The following ANKRD30A variants were observed in gnomAD, a reference collection of about 807,000 sequenced individuals.
ANKRD30A encodes the protein ankyrin repeat domain-containing protein 30A.
A neutral mutation model predicts 166.3 loss-of-function variants in ANKRD30A; 170 were observed. That is an observed-to-expected ratio of 1.02 (90% CI 0.90 to 1.16). ANKRD30A has a LOEUF of 1.16. Among genes scored for constraint, ANKRD30A ranks in the 50% most tolerant of loss-of-function variants. ANKRD30A has a pLI of 0.00. For missense variants in ANKRD30A, 1,630 were observed against 1,518.0 expected, an observed-to-expected ratio of 1.07 and a Z score of -1.23; for synonymous variants, 564 against 508.9, an observed-to-expected ratio of 1.11 and a Z score of -1.46.
At chr10:37,149,952 A>C (rs1837797402) in intron 11 of ANKRD30A, 103 bp downstream of exon 11, 2 of 1,486,648 alleles carry the variant, frequency 1.3e-6, no homozygotes, top group Non-Finnish European at 1.8e-6. Context: ...TTTGATGAAA[A>C]CATTTGATCT....
chr10:37,239,201 C>A, the ANKRD30A span, among the ~76,000 whole-genome samples: 3 of 152,240 alleles, frequency 2.0e-5, no homozygotes, highest in South Asian at 6.2e-4. Context: ...AAAACTGATA[C>A]TAATTTCTGA....
chr10:37,263,042 T>G, the ANKRD30A span, among the ~76,000 whole-genome samples: 1 of 152,152 alleles, frequency 6.6e-6, no homozygotes, highest in South Asian at 2.1e-4. Context: ...TGTTTATGAT[T>G]AAAGATTAAG....
chr10:37,205,564 G>A (rs565039976), intron 31 of ANKRD30A, among the ~76,000 whole-genome samples: 25 of 152,292 alleles, frequency 1.6e-4, no homozygotes, highest in Middle Eastern at 3.4e-3. Flanking sequence ...AAACCTGCAC[G>A]TTGTGCAGAT....
At chr10:37,243,353 C>G in the ANKRD30A span, among the ~76,000 whole-genome samples, 4 of 150,440 alleles carry the variant, frequency 2.7e-5, no homozygotes, top group Non-Finnish European at 5.9e-5. Flanking sequence ...ACCGTGTTAG[C>G]CAGGATGGTC....
At chr10:37,198,864 C>G (rs1841382164) in intron 29 of ANKRD30A, among the ~76,000 whole-genome samples, 2 of 151,992 alleles carry the variant, frequency 1.3e-5, no homozygotes, top group African/African-American at 4.8e-5. Flanking sequence ...TAACCTGATT[C>G]AAATAGTTGT....
chr10:37,215,330 C>T (rs569747970), intron 31 of ANKRD30A, among the ~76,000 whole-genome samples: 44 of 151,424 alleles, frequency 2.9e-4, no homozygotes, highest in African/African-American at 1.0e-3. Context: ...TGTAAGACCC[C>T]CCCGACCCAG....
Position 37,147,418 on chromosome 10 carries a change from A to G in ANKRD30A, c.1504A>G (p.Ile502Val). ...GATTCAAGTGTGTATACCTGAGTCT[A>G]TATATCAAAAAGTAATGGAGATAAA... ...AKIQVCIPES[I>V]YQKVMEINRE... The change falls in exon 9 of 36, where the codon ATA becomes GTA. Residue 502 changes from isoleucine (I) to valine (V), a missense_variant. Physicochemically the swap from Ile to Val is conservative, Grantham distance 29. This residue lies in a region of ANKRD30A where 904 missense variants were observed against 818.5 expected (regional missense o/e 1.10). Transcript: ENST00000361713. 1.3e-6 allele frequency: 2 copies of G among 1,597,352 alleles called. No homozygotes were observed. The highest frequency in any genetic ancestry group is 1.7e-6 in the Non-Finnish European group (2 of 1,172,640).
intron 4 of ANKRD30A, 34 bp from the exon 5 acceptor site, chr10:37,133,882 T>G: frequency 6.2e-7 from 1 of 1,610,274 alleles, no homozygotes. Context: ...TTGGTTCTGC[T>G]CATAATAATG....
In ANKRD30A at chr10:37,134,070, A is replaced by C; in HGVS notation, c.755+17A>C. 1 of 1,613,070 alleles carries C rather than the reference A, an allele frequency of 6.2e-7. No homozygotes were observed. Among genetic ancestry groups the C allele is most frequent in the South Asian group, 1.1e-5 (1 of 90,960 alleles). Reference sequence around the variant, plus strand: ...ATTTCATCAGTAAGTGTTTACGTTTAGAGGCTAGGTGAGATTTTATAGTTT... The same window carrying C: ...ATTTCATCAGTAAGTGTTTACGTTTCGAGGCTAGGTGAGATTTTATAGTTT... On this transcript the variant is annotated intron_variant, in intron 5 of 35. Transcript: ENST00000361713.
In ANKRD30A at chr10:37,142,003, C is replaced by T; in HGVS notation, c.1106C>T (p.Ser369Phe). 2 of 1,614,104 alleles carry T rather than the reference C, an allele frequency of 1.2e-6. No individual in the cohort carries two copies. Among genetic ancestry groups the T allele is most frequent in the Non-Finnish European group, 1.7e-6 (2 of 1,179,976 alleles). Residue 369 changes from serine to phenylalanine, a missense_variant, in exon 7 of 36, where the codon TCT (serine) becomes TTT (phenylalanine). By Grantham distance (155) the Ser-to-Phe change is radical. Transcript: ENST00000361713. Reference sequence around the variant, plus strand: ...ATTACGAGTCCTGCAAAAGAAACATCTGAGAAATTTACGTGGCCAGCAAAA... The same window carrying T: ...ATTACGAGTCCTGCAAAAGAAACATTTGAGAAATTTACGTGGCCAGCAAAA... ...REITSPAKET[S>F]EKFTWPAKGR...
intron 29 of ANKRD30A, among the ~76,000 whole-genome samples, chr10:37,198,007 A>G (rs536813297): frequency 6.4e-4 from 98 of 151,984 alleles, no homozygotes; most frequent in Middle Eastern, 3.4e-3. Flanking sequence ...TGTGTGTGGT[A>G]ACTTTACCTT....
chr10:37,216,324 G>A lies in ANKRD30A; in HGVS notation c.3013G>A (p.Glu1005Lys), dbSNP rs1842607154. ...TTGTGTACTGAAAAAGAAACTGTCA[G>A]AAGCAAAAGAAATAAAATCACAGTT... ...KFCVLKKKLS[E>K]AKEIKSQLEN... Residue 1005 changes from glutamate (E) to lysine (K), a missense_variant, in exon 32 of 36, where the codon GAA (glutamate) becomes AAA (lysine). Around this residue, in one of 4 missense-constraint regions of ANKRD30A, gnomAD observed 712 missense variants for 629.3 expected, o/e 1.13. Coordinates refer to ENST00000361713, the MANE Select transcript of ANKRD30A (RefSeq NM_052997.3). 12 of 1,608,576 alleles carry A rather than the reference G, an allele frequency of 7.5e-6. No homozygotes were observed. Among genetic ancestry groups the A allele is most frequent in the Non-Finnish European group, 1.0e-5 (12 of 1,176,468 alleles).
chr10:37,184,265 G>C (rs1161323568), intron 24 of ANKRD30A, among the ~76,000 whole-genome samples: 1 of 130,524 alleles, frequency 7.7e-6, no homozygotes, highest in Non-Finnish European at 1.7e-5. Context: ...TAAACAAAGA[G>C]AAAGGAAATG....
At chr10:37,152,475 G>A (rs1281438759) in intron 12 of ANKRD30A, among the ~76,000 whole-genome samples, 1 of 152,052 alleles carries the variant, frequency 6.6e-6, no homozygotes, top group Non-Finnish European at 1.5e-5. Context: ...ACATCTAGAT[G>A]TACAAAAGTT....
At position 37,158,428 on chromosome 10, in the gene ANKRD30A, CT is replaced by C. The variant is rs746065238; in HGVS notation, c.1827+12del. ...AAAGATGGTCTTCTGAAGGTAATAA[CT>C]TTTATATTTTTGTCTTGAGTATCAA... On this transcript the variant is annotated intron_variant, in intron 14 of 35. Coordinates refer to ENST00000361713, the MANE Select transcript of ANKRD30A (RefSeq NM_052997.3). 2 of 1,611,568 alleles carry C rather than the reference CT, an allele frequency of 1.2e-6. No homozygotes were observed. Among genetic ancestry groups the C allele is most frequent in the Non-Finnish European group, 1.7e-6 (2 of 1,178,184 alleles).
chr10:37,156,096 A>T (rs965995872), intron 13 of ANKRD30A, among the ~76,000 whole-genome samples: 1 of 151,494 alleles, frequency 6.6e-6, no homozygotes, highest in Non-Finnish European at 1.5e-5. Context: ...AAAAAAAATC[A>T]TAGTGTGCAT....
At chr10:37,207,201 C>T (rs1228171199) in intron 31 of ANKRD30A, among the ~76,000 whole-genome samples, 7 of 152,086 alleles carry the variant, frequency 4.6e-5, no homozygotes, top group South Asian at 2.1e-4. Flanking sequence ...ATTATACTTT[C>T]GTTGATGAGA....
chr10:37,220,029 A>ATATATATATATATT (rs1366777838), intron 34 of ANKRD30A, 132 bp downstream of exon 34: 2 of 148,444 alleles, frequency 1.3e-5, no homozygotes, highest in Non-Finnish European at 2.5e-5. Context: ...ATATATATAT[A>ATATATATATATATT]ATATATGTAT....
intron 15 of ANKRD30A, among the ~76,000 whole-genome samples, chr10:37,160,408 A>G (rs561299272): frequency 7.0e-4 from 107 of 152,322 alleles, no homozygotes; most frequent in African/African-American, 2.5e-3. Context: ...AGAAAATATC[A>G]GTAAATAGGA....
Sources: gnomAD v4.1 joint callset for allele counts (sites outside exome capture counted in the v4.1 genomes callset) on GRCh38, gnomAD v4.1.1 for gene constraint, gnomAD v4.1.1 regional missense constraint, MANE v1.5 for transcripts, NCBI Gene and HGNC (gene_info 2026-07-23, HGNC 2026-07-21) for gene names.